Variants in RIN3 observed in about 807,000 individuals in gnomAD.
RIN3 encodes the protein RAB5 interacting protein 3.
A neutral mutation model predicts 76.3 loss-of-function variants in RIN3; 54 were observed. The observed-to-expected ratio is 0.71, with a 90% confidence interval of 0.57 to 0.89. The LOEUF is 0.89. Among genes scored for constraint, RIN3 ranks in the 40% least tolerant of loss-of-function variants. The probability of loss-of-function intolerance (pLI) is 0.00; values close to 1 mark genes in which losing one functional copy is unlikely to be tolerated. For missense variants in RIN3, 1,256 were observed against 1,322.1 expected, an observed-to-expected ratio of 0.95 and a Z score of 0.78; for synonymous variants, 576 against 564.0, an observed-to-expected ratio of 1.02 and a Z score of -0.30.
intron 5 of RIN3, among the ~76,000 whole-genome samples, chr14:92,642,830 G>A (rs1432271558): frequency 1.3e-5 from 2 of 152,190 alleles, no homozygotes; most frequent in East Asian, 1.9e-4. Flanking sequence ...GGGTGTTAGC[G>A]CTCCATGAGC....
chr14:92,561,964 G>A (rs1211229345), intron 2 of RIN3, among the ~76,000 whole-genome samples: 2 of 152,178 alleles, frequency 1.3e-5, no homozygotes, highest in Non-Finnish European at 2.9e-5. Flanking sequence ...GGGATTACAG[G>A]CGTGAGCCAC....
chr14:92,563,991 A>T (rs1414379056), intron 2 of RIN3, among the ~76,000 whole-genome samples: 5 of 152,166 alleles, frequency 3.3e-5, no homozygotes, highest in African/African-American at 1.2e-4. Context: ...GGCCCCAGCC[A>T]CTGGACTGTC....
intron 8 of RIN3, among the ~76,000 whole-genome samples, chr14:92,680,273 C>T (rs1040977279): frequency 2.0e-5 from 3 of 151,558 alleles, no homozygotes; most frequent in African/African-American, 7.3e-5. Flanking sequence ...GATCTTGGCC[C>T]ACTGCAACCT....
At chr14:92,585,482 G>A (rs1465929436) in intron 3 of RIN3, among the ~76,000 whole-genome samples, 1 of 152,138 alleles carries the variant, frequency 6.6e-6, no homozygotes, top group East Asian at 1.9e-4. Context: ...TAGCACAAGG[G>A]TTCACTACAT....
At chr14:92,622,896 C>CCA (rs1886233405) in intron 4 of RIN3, among the ~76,000 whole-genome samples, 1 of 152,226 alleles carries the variant, frequency 6.6e-6, no homozygotes, top group Non-Finnish European at 1.5e-5. Context: ...TATACATGTT[C>CCA]TGCTTTAAAC....
chr14:92,518,823 G>GTGTGTGTGTA, intron 1 of RIN3, among the ~76,000 whole-genome samples: 1 of 151,816 alleles, frequency 6.6e-6, no homozygotes, highest in Non-Finnish European at 1.5e-5. Flanking sequence ...GTGTGTGTGT[G>GTGTGTGTGTA]TGTCAGCATC....
chr14:92,639,907 TG>T (rs1487185276), intron 4 of RIN3, among the ~76,000 whole-genome samples: 120 of 143,540 alleles, frequency 8.4e-4, no homozygotes, highest in African/African-American at 2.9e-3. Context: ...AGAGGCTGCC[TG>T]ACTGTGCGTT....
chr14:92,603,050 C>T (rs1157091810), intron 3 of RIN3, among the ~76,000 whole-genome samples: 2 of 152,188 alleles, frequency 1.3e-5, no homozygotes, highest in Non-Finnish European at 2.9e-5. Context: ...CTCACTATGC[C>T]CTACTCTGCA....
chr14:92,528,264 A>G (rs1182585138), intron 1 of RIN3, among the ~76,000 whole-genome samples: 1 of 151,768 alleles, frequency 6.6e-6, no homozygotes, highest in East Asian at 2.0e-4. Context: ...TCCTAGGGAG[A>G]TGGCCATCGT....
At chr14:92,651,498 G>GGCC in intron 5 of RIN3, 84 bp from the exon 6 acceptor site, 1 of 707,776 alleles carries the variant, frequency 1.4e-6, no homozygotes, top group Non-Finnish European at 2.3e-6. Context: ...CCCACCCGTG[G>GGCC]ACCCCGCCCA....
At chr14:92,678,105 T>A (rs796970119) in intron 8 of RIN3, among the ~76,000 whole-genome samples, 1 of 150,822 alleles carries the variant, frequency 6.6e-6, no homozygotes, top group East Asian at 2.0e-4. Context: ...CATCCATCTA[T>A]GCACTCATCC....
intron 4 of RIN3, among the ~76,000 whole-genome samples, chr14:92,640,625 A>G (rs1595476052): frequency 1.7e-4 from 1 of 5,718 alleles, no homozygotes; most frequent in Admixed American, 1.9e-3. Context: ...GGGCTGCCTG[A>G]CTGTGCGTTT....
chr14:92,599,438 G>C (rs1456892076), intron 3 of RIN3, among the ~76,000 whole-genome samples: 1 of 152,194 alleles, frequency 6.6e-6, no homozygotes, highest in East Asian at 1.9e-4. Context: ...GCATGATGAA[G>C]GAAGAGGAGC....
chr14:92,685,284 T>TC lies in RIN3; in HGVS notation c.2631+138dup. The stretch of plus-strand genomic sequence containing the variant: ...CCCTGCCTTAGGGGAGCAGTGAGAC[T>TC]CCCCACACCAGAGGAAGGGCCCCCA... On this transcript the variant is annotated intron_variant, in intron 9 of 9. Transcript: ENST00000216487. This position sits in a 1 kb window ranked among gnomAD's most constrained non-coding sequence, Gnocchi z 4.7. 1 of 927,636 alleles carries TC rather than the reference T, an allele frequency of 1.1e-6. No individual in the cohort carries two copies. Among genetic ancestry groups the TC allele is most frequent in the Non-Finnish European group, 1.6e-6 (1 of 633,400 alleles). The allele number at this position is 927,636 out of a possible 1,614,324, so 57.5% of individuals were successfully genotyped here.
chr14:92,544,414 T>TGGGGGGGGGGGGGGGGGG (rs71123353), intron 1 of RIN3, among the ~76,000 whole-genome samples: 15 of 74,560 alleles, frequency 2.0e-4, no homozygotes, highest in Admixed American at 3.8e-4. Flanking sequence ...GTGACAGCTG[T>TGGGGGGGGGGGGGGGGGG]GGGGGGGGGG....
chr14:92,531,628 C>G (rs1362088529), intron 1 of RIN3, among the ~76,000 whole-genome samples: 2 of 152,172 alleles, frequency 1.3e-5, no homozygotes, highest in African/African-American at 4.8e-5. Context: ...GAAATGTGGT[C>G]ACAGCAACTG....
chr14:92,591,009 T>C (rs760041912), intron 3 of RIN3, among the ~76,000 whole-genome samples: 11 of 152,144 alleles, frequency 7.2e-5, no homozygotes, highest in Non-Finnish European at 1.3e-4. Flanking sequence ...GACTCACATA[T>C]GGTAGAGAGG....
intron 4 of RIN3, among the ~76,000 whole-genome samples, chr14:92,635,522 C>G (rs570008218): frequency 2.6e-5 from 4 of 152,128 alleles, no homozygotes; most frequent in Admixed American, 1.3e-4. Context: ...ACCTTGTGGC[C>G]CGGCAGACTC....
chr14:92,672,461 G>A (rs1296306915), intron 7 of RIN3, among the ~76,000 whole-genome samples: 1 of 152,154 alleles, frequency 6.6e-6, no homozygotes, highest in African/African-American at 2.4e-5. Context: ...AGGAAGGAAA[G>A]CAACCACTAG....
Sources: gnomAD v4.1 joint callset for allele counts (sites outside exome capture counted in the v4.1 genomes callset) on GRCh38, gnomAD v4.1.1 for gene constraint, Gnocchi (gnomAD v3.1) non-coding constraint, MANE v1.5 for transcripts, NCBI Gene and HGNC (gene_info 2026-07-23, HGNC 2026-07-21) for gene names.